The following NUP153 variants were observed in gnomAD, a reference collection of about 807,000 sequenced individuals.
NUP153 encodes the protein nuclear pore complex protein Nup153.
Under a neutral mutation model 134.6 loss-of-function variants are expected in NUP153, and 27 were observed. The observed-to-expected ratio is 0.20, with a 90% CI of 0.15 to 0.28. The LOEUF (loss-of-function observed/expected upper bound fraction) is 0.28, where lower values mean the gene tolerates loss of function less well. Among genes scored for constraint, NUP153 ranks in the 10% least tolerant of loss-of-function variants. NUP153 has a pLI of 1.00. For synonymous variants in NUP153, 640 were observed against 623.5 expected (o/e 1.03, Z -0.40); for missense variants, 1,821 against 1,731.3 (o/e 1.05, Z -0.92).
chr6:17,689,348 T>C (rs1769137919), intron 1 of NUP153, among the ~76,000 whole-genome samples: 3 of 151,528 alleles, frequency 2.0e-5, no homozygotes, highest in Non-Finnish European at 2.9e-5. Flanking sequence ...GACTGCACCA[T>C]GGCACTCTAG....
intron 17 of NUP153, among the ~76,000 whole-genome samples, chr6:17,631,765 G>T (rs1193805240): frequency 6.6e-6 from 1 of 151,994 alleles, no homozygotes; most frequent in South Asian, 2.1e-4. Context: ...AGGAGATTGA[G>T]ACCATCCTGG....
chr6:17,641,266 G>C (rs991237275), intron 14 of NUP153, among the ~76,000 whole-genome samples: 9 of 152,104 alleles, frequency 5.9e-5, no homozygotes, highest in Non-Finnish European at 1.3e-4. Context: ...CCAGGCACGG[G>C]GGCCCGTGCC....
chr6:17,697,268 A>G (rs1769715316), intron 1 of NUP153, among the ~76,000 whole-genome samples: 1 of 152,218 alleles, frequency 6.6e-6, no homozygotes, highest in African/African-American at 2.4e-5. Flanking sequence ...AATGCCACTG[A>G]GATTTAGACT....
chr6:17,693,183 T>TACACACAC (rs67348223), intron 1 of NUP153, among the ~76,000 whole-genome samples: 34,957 of 145,632 alleles, frequency 0.24, 4,521 homozygotes, highest in East Asian at 0.35. Context: ...AGCTTTTTCC[T>TACACACAC]ACACACACAC....
Position 17,669,531 on chromosome 6 carries a change from G to T in NUP153, c.868C>A (p.Gln290Lys), listed in dbSNP as rs768382937. The T allele has an allele frequency of 1.2e-6, 2 of 1,611,862 alleles. No individual in the cohort carries two copies. The highest frequency in any genetic ancestry group is 3.3e-5 in the Admixed American group (2 of 59,994). ...NTPYQAPVRRQMKAKQLSAQS... is the reference protein window; with the variant it reads ...NTPYQAPVRRKMKAKQLSAQS... ...GCACTGAGTTGCTTAGCTTTCATTT[G>T]TCTTCTAACTGGTGCCTGTAAAGTA... Residue 290 changes from glutamine (Q) to lysine (K), a missense_variant, in exon 6 of 22, where the codon CAA (glutamine) becomes AAA (lysine). Coordinates refer to ENST00000262077, the MANE Select transcript of NUP153 (RefSeq NM_005124.4).
intron 17 of NUP153, 21 bp downstream of exon 17, chr6:17,632,629 T>C (rs772642489): frequency 2.5e-6 from 4 of 1,571,412 alleles, no homozygotes; most frequent in South Asian, 1.2e-5. Context: ...ATCACCTTTA[T>C]TTTTATTTTT....
At chr6:17,632,945 A>C in intron 16 of NUP153, 101 bp from the exon 17 acceptor site, 1 of 779,980 alleles carries the variant, frequency 1.3e-6, no homozygotes. Flanking sequence ...TTAAGTGTTC[A>C]GTTTCTAATA....
chr6:17,675,169 A>C lies in NUP153; in HGVS notation c.723+60T>G. 1 of 1,568,290 alleles carries C rather than the reference A, an allele frequency of 6.4e-7. No homozygotes were observed. Among genetic ancestry groups the C allele is most frequent in the Non-Finnish European group, 8.6e-7 (1 of 1,160,910 alleles). On this transcript the variant is annotated intron_variant, in intron 4 of 21. Transcript: ENST00000262077. The surrounding 1 kb of genome is among the most constrained non-coding windows in gnomAD (Gnocchi z 4.4). ...CTCTTGTCTCAGAAAAAAAAAAAAAAATTATAAGCAATAAACACTCAAAAC... is the reference window on the plus strand; with the variant it reads ...CTCTTGTCTCAGAAAAAAAAAAAAACATTATAAGCAATAAACACTCAAAAC...
At position 17,629,110 on chromosome 6, in the gene NUP153, T is replaced by G; in HGVS notation, c.3089A>C (p.Asn1030Thr). Residue 1030 changes from asparagine to threonine, a missense_variant, in exon 18 of 22, where the codon AAC (asparagine) becomes ACC (threonine). Physicochemically the swap from Asn to Thr is moderately conservative, Grantham distance 65 (BLOSUM62 0). Transcript: ENST00000262077. ...GGTGTTAGCAGGAGCAGGGGTGGAG[T>G]TAATAACACCTGTACCAAAGCTAAA... Reference protein sequence around the residue: ...AGFSFGTGVINSTPAPANTIV... With the variant: ...AGFSFGTGVITSTPAPANTIV... The G allele has an allele frequency of 6.2e-7, 1 of 1,613,968 alleles. No individual in the cohort carries two copies. The highest frequency in any genetic ancestry group is 8.5e-7 in the Non-Finnish European group (1 of 1,179,984).
chr6:17,647,493 C>G (rs570366789), intron 13 of NUP153, among the ~76,000 whole-genome samples: 1 of 152,252 alleles, frequency 6.6e-6, no homozygotes, highest in Admixed American at 6.5e-5. Context: ...TGTCAAATTT[C>G]TTGGGTATGA....
At chr6:17,678,791 A>C (rs1444069933) in intron 2 of NUP153, among the ~76,000 whole-genome samples, 1 of 152,036 alleles carries the variant, frequency 6.6e-6, no homozygotes, top group African/African-American at 2.4e-5. Context: ...TAAAAATTTA[A>C]AAAGTCAGCT....
intron 5 of NUP153, among the ~76,000 whole-genome samples, chr6:17,674,550 C>T (rs909987686): frequency 3.9e-5 from 6 of 152,120 alleles, no homozygotes; most frequent in African/African-American, 9.7e-5. Context: ...GGGCGCATCA[C>T]GAGGTCAAGA....
At chr6:17,633,639 G>A (rs1189382747) in intron 16 of NUP153, among the ~76,000 whole-genome samples, 1 of 152,184 alleles carries the variant, frequency 6.6e-6, no homozygotes, top group Non-Finnish European at 1.5e-5. Flanking sequence ...ATACACAGAG[G>A]TGACAAATCT....
At chr6:17,701,831 T>G (rs1429059596) in intron 1 of NUP153, among the ~76,000 whole-genome samples, 3 of 15,052 alleles carry the variant, frequency 2.0e-4, no homozygotes, top group Non-Finnish European at 3.7e-4. Context: ...AGACTCTGTC[T>G]CGGGGGGGGG....
At chr6:17,641,971 G>A (rs1181151870) in intron 14 of NUP153, among the ~76,000 whole-genome samples, 1 of 152,154 alleles carries the variant, frequency 6.6e-6, no homozygotes, top group Non-Finnish European at 1.5e-5. Flanking sequence ...TTTCCATAAT[G>A]AAATATACTA....
chr6:17,620,690 T>A (rs1462011696), intron 20 of NUP153, among the ~76,000 whole-genome samples: 1 of 152,204 alleles, frequency 6.6e-6, no homozygotes, highest in Non-Finnish European at 1.5e-5. Context: ...TCTTGGCAAT[T>A]TTCTTTTTCA....
At position 17,702,545 on chromosome 6, in the gene NUP153, G is replaced by C. The variant is rs932562776; in HGVS notation, c.111+3732C>G. 2.7e-5 allele frequency among the ~76,000 whole-genome samples: 4 copies of C among 150,680 alleles called. No individual in the cohort carries two copies. The East Asian group carries it at 5.9e-4, about 22-fold the overall frequency. ...AAAAAAATCAGCCGTTTGTGGTGGC[G>C]CATGCCTGTAATGCCAGCTACTCGG... On this transcript the variant is annotated intron_variant, in intron 1 of 21. Coordinates refer to ENST00000262077, the MANE Select transcript of NUP153 (RefSeq NM_005124.4).
At chr6:17,702,707 C>T (rs1261211219) in intron 1 of NUP153, among the ~76,000 whole-genome samples, 2 of 151,912 alleles carry the variant, frequency 1.3e-5, no homozygotes, top group Non-Finnish European at 2.9e-5. Context: ...AAAAATGACA[C>T]CATTTCCTAA....
chr6:17,695,104 T>C (rs1769555318), intron 1 of NUP153, among the ~76,000 whole-genome samples: 1 of 152,238 alleles, frequency 6.6e-6, no homozygotes, highest in Non-Finnish European at 1.5e-5. Context: ...TATCAATAAA[T>C]GCTAAATCTA....
Sources: gnomAD v4.1 joint callset for allele counts (sites outside exome capture counted in the v4.1 genomes callset) on GRCh38, gnomAD v4.1.1 for gene constraint, Gnocchi (gnomAD v3.1) non-coding constraint, MANE v1.5 for transcripts, NCBI Gene and HGNC (gene_info 2026-07-23, HGNC 2026-07-21) for gene names.